Variants in APCDD1L observed in about 807,000 individuals in gnomAD.
The protein encoded by APCDD1L is protein APCDD1-like.
APCDD1L carries 21 observed loss-of-function variants against 24.2 expected under a neutral mutation model. That is an observed-to-expected ratio of 0.87 (90% CI 0.61 to 1.25). The LOEUF (loss-of-function observed/expected upper bound fraction) is 1.25. APCDD1L is among the 50% of genes most tolerant of loss of function. The probability of loss-of-function intolerance (pLI) is 0.00; values close to 1 mark genes in which losing one functional copy is unlikely to be tolerated. For synonymous variants in APCDD1L, 321 were observed against 323.6 expected (o/e 0.99, Z 0.09); for missense variants, 704 against 711.7 (o/e 0.99, Z 0.12).
chr20:58,497,586 G>A lies in APCDD1L; in HGVS notation c.49+17073C>T, dbSNP rs1025841343. Among the ~76,000 whole-genome samples the A allele has an allele frequency of 2.6e-5, 4 of 152,084 alleles. No homozygotes were observed. The highest frequency in any genetic ancestry group is 4.2e-4 in the South Asian group (2 of 4,810). On this transcript the variant is annotated intron_variant, in intron 1 of 3. Transcript: ENST00000371149. This position sits in a 1 kb window ranked among gnomAD's most constrained non-coding sequence, Gnocchi z 4.3. ...GCGTCTCTTCACATCGTCTTCCTTCGACGCAGGTCTGCGTCCAAATATCCC... is the reference window on the plus strand; with the variant it reads ...GCGTCTCTTCACATCGTCTTCCTTCAACGCAGGTCTGCGTCCAAATATCCC...
chr20:58,499,474 A>G (rs540084671), intron 1 of APCDD1L, among the ~76,000 whole-genome samples: 1 of 152,280 alleles, frequency 6.6e-6, no homozygotes, highest in African/African-American at 2.4e-5. Context: ...CCAGTTTCCC[A>G]GTCTCTTCTC....
At chr20:58,514,015 C>A in intron 1 of APCDD1L, 2 of 1,235,840 alleles carry the variant, frequency 1.6e-6, no homozygotes, top group Admixed American at 5.3e-5. Flanking sequence ...AGTCAGCTGG[C>A]CTTTGTACAG....
At chr20:58,495,601 C>T (rs1990306300) in intron 1 of APCDD1L, among the ~76,000 whole-genome samples, 1 of 152,184 alleles carries the variant, frequency 6.6e-6, no homozygotes, top group South Asian at 2.1e-4. Context: ...TAGGTTGGAA[C>T]TCAGGCCCTG....
At chr20:58,475,293 G>A (rs1000717596) in intron 1 of APCDD1L, among the ~76,000 whole-genome samples, 20 of 152,210 alleles carry the variant, frequency 1.3e-4, no homozygotes, top group African/African-American at 4.8e-4. Context: ...AGCAAGGCAC[G>A]AACGAACACA....
intron 1 of APCDD1L, among the ~76,000 whole-genome samples, chr20:58,484,494 A>C (rs1990084258): frequency 6.6e-6 from 1 of 152,202 alleles, no homozygotes; most frequent in Non-Finnish European, 1.5e-5. Flanking sequence ...TCTTATACAT[A>C]TATAACTGCA....
At position 58,497,244 on chromosome 20, in the gene APCDD1L, G is replaced by A. The variant is rs150771343; in HGVS notation, c.49+17415C>T. 2.2e-3 allele frequency among the ~76,000 whole-genome samples: 338 copies of A among 152,178 alleles called. 2 individuals are homozygous for A. Among genetic ancestry groups the A allele is most frequent in the African/African-American group, 7.8e-3 (322 of 41,536 alleles). On this transcript the variant is annotated intron_variant, in intron 1 of 3. Coordinates refer to ENST00000371149, the MANE Select transcript of APCDD1L (RefSeq NM_153360.3). The surrounding 1 kb of genome is among the most constrained non-coding windows in gnomAD (Gnocchi z 4.3). ...GGGTGGAGGCTGAGGGGCAGATGCG[G>A]GTTTCAGGGAAGGAAGCTGTAGCAC...
intron 1 of APCDD1L, among the ~76,000 whole-genome samples, chr20:58,492,981 A>G (rs998941523): frequency 6.6e-6 from 1 of 152,166 alleles, no homozygotes; most frequent in African/African-American, 2.4e-5. Context: ...ATGCACTCAC[A>G]CACAATGCAA....
At chr20:58,490,671 C>T (rs538557274) in intron 1 of APCDD1L, among the ~76,000 whole-genome samples, 1 of 152,314 alleles carries the variant, frequency 6.6e-6, no homozygotes, top group African/African-American at 2.4e-5. Context: ...TGTCTCTTCA[C>T]TGATTAATGT....
rs755440348 is a variant in APCDD1L at position 58,514,725 on chromosome 20, G to A, written c.-18C>T. 1.5e-5 allele frequency: 19 copies of A among 1,300,582 alleles called. 2 individuals carry two copies. In the South Asian group the frequency reaches 5.1e-4, roughly 35 times the overall value. 80.6% of individuals were successfully genotyped at this position (1,300,582 alleles called of 1,614,324 possible). Reference sequence around the variant, plus strand: ...GCGGGCATCCCGTCGGGGCTGGCAGGACCGCCCGCCGGGCGCTGCCACGGT... The same window carrying A: ...GCGGGCATCCCGTCGGGGCTGGCAGAACCGCCCGCCGGGCGCTGCCACGGT... On this transcript the variant is annotated 5_prime_UTR_variant, in exon 1 of 4. Transcript: ENST00000371149.
chr20:58,511,370 CA>C (rs1247517676), intron 1 of APCDD1L, among the ~76,000 whole-genome samples: 2 of 152,234 alleles, frequency 1.3e-5, no homozygotes, highest in Non-Finnish European at 2.9e-5. Flanking sequence ...CTGGTTTTGG[CA>C]GTGAACCACT....
intron 1 of APCDD1L, among the ~76,000 whole-genome samples, chr20:58,495,411 A>C (rs539918074): frequency 4.8e-4 from 73 of 152,334 alleles, no homozygotes; most frequent in African/African-American, 1.6e-3. Context: ...AAGCCTTATC[A>C]AACGCTGCAG....
At chr20:58,495,803 A>G (rs2123177354) in intron 1 of APCDD1L, among the ~76,000 whole-genome samples, 2 of 152,296 alleles carry the variant, frequency 1.3e-5, no homozygotes, top group South Asian at 4.1e-4. Context: ...TGCCTGCCAC[A>G]CTGCGCCCGG....
At position 58,488,368 on chromosome 20, in the gene APCDD1L, ACT is replaced by A. The variant is rs1243129406; in HGVS notation, c.50-17623_50-17622del. Among the ~76,000 whole-genome samples the A allele has an allele frequency of 3.9e-5, 6 of 152,276 alleles. No homozygotes were observed. The East Asian group carries it at 1.2e-3, about 29-fold the overall frequency. Reference sequence around the variant, plus strand: ...TAAGGGGGGACTAATGTACACACACACTCACACACACATACATATATATATTA... The same window carrying A: ...TAAGGGGGGACTAATGTACACACACACACACACACATACATATATATATTA... On this transcript the variant is annotated intron_variant, in intron 1 of 3. Coordinates refer to ENST00000371149, the MANE Select transcript of APCDD1L (RefSeq NM_153360.3).
chr20:58,511,400 CA>C (rs1193556336), intron 1 of APCDD1L, among the ~76,000 whole-genome samples: 1 of 152,222 alleles, frequency 6.6e-6, no homozygotes, highest in Non-Finnish European at 1.5e-5. Flanking sequence ...GAAGTTTTAT[CA>C]GGGGCTCATT....
chr20:58,484,424 C>T (rs1234653669), intron 1 of APCDD1L, among the ~76,000 whole-genome samples: 8 of 152,148 alleles, frequency 5.3e-5, no homozygotes, highest in South Asian at 2.1e-4. Context: ...GCCTGGCCCA[C>T]GGTAGGCGGG....
chr20:58,477,189 A>C (rs1989926247), intron 1 of APCDD1L, among the ~76,000 whole-genome samples: 1 of 152,184 alleles, frequency 6.6e-6, no homozygotes, highest in Non-Finnish European at 1.5e-5. Flanking sequence ...CGTTAACATC[A>C]ATACAGTGTT....
At chr20:58,500,408 T>TC (rs1990410690) in intron 1 of APCDD1L, among the ~76,000 whole-genome samples, 1 of 152,200 alleles carries the variant, frequency 6.6e-6, no homozygotes, top group Admixed American at 6.5e-5. Context: ...ACCAGTGGGA[T>TC]CCCGGGGGTC....
chr20:58,463,591 C>T (rs923995711), intron 3 of APCDD1L, among the ~76,000 whole-genome samples: 2 of 152,152 alleles, frequency 1.3e-5, no homozygotes, highest in African/African-American at 4.8e-5. Context: ...AGATTGTAGG[C>T]CAGAGCGCCG....
chr20:58,465,971 A>AG (rs990088215), intron 3 of APCDD1L, among the ~76,000 whole-genome samples: 3 of 151,890 alleles, frequency 2.0e-5, no homozygotes, highest in East Asian at 3.9e-4. Flanking sequence ...AGATTTTCTG[A>AG]GGGGGGTTCC....
Sources: allele counts gnomAD v4.1 joint callset (sites outside exome capture counted in the v4.1 genomes callset), GRCh38; gene constraint gnomAD v4.1.1; non-coding constraint Gnocchi (gnomAD v3.1); transcripts MANE v1.5; gene names NCBI Gene and HGNC (gene_info 2026-07-23, HGNC 2026-07-21).